MBOAT1: variants seen among roughly 807,000 people sequenced by gnomAD.
MBOAT1 encodes membrane bound glycerophospholipid O-acyltransferase 1.
MBOAT1 carries 67 observed loss-of-function variants against 64.4 expected under a neutral mutation model. The observed-to-expected ratio is 1.04, with a 90% CI of 0.85 to 1.27. MBOAT1 has a LOEUF of 1.27. Among genes scored for constraint, MBOAT1 ranks in the 50% most tolerant of loss-of-function variants. MBOAT1 has a pLI of 0.00. For missense variants in MBOAT1, 563 were observed against 604.6 expected (o/e 0.93, Z 0.72); for synonymous variants, 229 against 218.9 (o/e 1.05, Z -0.41).
intron 1 of MBOAT1, 33 bp from the exon 2 acceptor site, chr6:20,152,802 G>A (rs762090284): frequency 1.9e-6 from 3 of 1,580,786 alleles, no homozygotes; most frequent in Admixed American, 1.8e-5. Context: ...AAAAACCTTT[G>A]TGTGAATTTC....
intron 1 of MBOAT1, among the ~76,000 whole-genome samples, chr6:20,168,513 G>GAGAGGAGAGGAGAGA: frequency 7.1e-6 from 1 of 139,876 alleles, no homozygotes; most frequent in Admixed American, 7.2e-5. Context: ...GAGAGGAGAG[G>GAGAGGAGAGGAGAGA]AGAGGAGAGG....
intron 1 of MBOAT1, among the ~76,000 whole-genome samples, chr6:20,196,895 G>C (rs188605075): frequency 6.6e-6 from 1 of 151,436 alleles, no homozygotes; most frequent in Non-Finnish European, 1.5e-5. Context: ...AAAAAAAACT[G>C]AACTGTACAC....
chr6:20,168,184 T>C (rs1350197180), intron 1 of MBOAT1, among the ~76,000 whole-genome samples: 3 of 152,224 alleles, frequency 2.0e-5, no homozygotes, highest in Non-Finnish European at 4.4e-5. Context: ...CTCTTCATTA[T>C]TTATTTTAAA....
intron 4 of MBOAT1, among the ~76,000 whole-genome samples, chr6:20,141,713 G>A (rs1461690876): frequency 6.6e-6 from 1 of 151,948 alleles, no homozygotes; most frequent in Non-Finnish European, 1.5e-5. Context: ...TGAGTGTAGA[G>A]AGCACAGACT....
chr6:20,150,531 C>G (rs1342971278), intron 3 of MBOAT1, among the ~76,000 whole-genome samples: 1 of 150,830 alleles, frequency 6.6e-6, no homozygotes, highest in Non-Finnish European at 1.5e-5. Context: ...ATTGAGTATA[C>G]CGATCTTTCA....
At chr6:20,106,624 A>G (rs1167589023) in intron 12 of MBOAT1, among the ~76,000 whole-genome samples, 2 of 152,288 alleles carry the variant, frequency 1.3e-5, no homozygotes, top group Admixed American at 6.5e-5. Flanking sequence ...GGGTTTCACC[A>G]TGCTGGCCAG....
intron 1 of MBOAT1, among the ~76,000 whole-genome samples, chr6:20,175,587 C>T (rs532529818): frequency 6.6e-6 from 1 of 152,056 alleles, no homozygotes; most frequent in Admixed American, 6.5e-5. Flanking sequence ...GCTGGAACTA[C>T]AGGCACACGT....
intron 12 of MBOAT1, among the ~76,000 whole-genome samples, chr6:20,105,899 G>T (rs1345433590): frequency 6.6e-6 from 1 of 152,200 alleles, no homozygotes; most frequent in Non-Finnish European, 1.5e-5. Context: ...TTCATAGAAA[G>T]GTTCTTTCAT....
chr6:20,101,163 C>T lies in MBOAT1; in HGVS notation c.*1123G>A, dbSNP rs1245924775. Among the ~76,000 whole-genome samples, 1 of 152,122 alleles carries T rather than the reference C, an allele frequency of 6.6e-6. No individual in the cohort carries two copies. The highest frequency in any genetic ancestry group is 1.5e-5 in the Non-Finnish European group (1 of 68,026). On this transcript the variant is annotated 3_prime_UTR_variant, in exon 13 of 13. Coordinates refer to ENST00000324607, the MANE Select transcript of MBOAT1 (RefSeq NM_001080480.3). ...ACTTCAAATTACTTTAAAAAAATTTCCTAAAAGGCATTCTGCTGCCTTTCT... is the reference window on the plus strand; with the variant it reads ...ACTTCAAATTACTTTAAAAAAATTTTCTAAAAGGCATTCTGCTGCCTTTCT...
At position 20,128,785 on chromosome 6, in the gene MBOAT1, T is replaced by C. The variant is rs541035749; in HGVS notation, c.476-32A>G. On this transcript the variant is annotated intron_variant, in intron 5 of 12. Transcript: ENST00000324607. ...AAAAGAAAAGAATTTAGAAATAAGA[T>C]GTTTGAAGTGAATTAGATGACAAAT... 1.3e-5 allele frequency: 19 copies of C among 1,493,542 alleles called. No individual in the cohort carries two copies. The South Asian group carries it at 2.3e-4, about 18-fold the overall frequency. 92.5% of individuals were successfully genotyped at this position (1,493,542 alleles called of 1,614,324 possible).
At chr6:20,122,409 C>T (rs957908579) in intron 8 of MBOAT1, among the ~76,000 whole-genome samples, 15 of 152,148 alleles carry the variant, frequency 9.9e-5, no homozygotes, top group Non-Finnish European at 2.2e-4. Context: ...TATGTCTGTG[C>T]TCCCAACCAT....
intron 12 of MBOAT1, among the ~76,000 whole-genome samples, chr6:20,105,088 G>C (rs1257025715): frequency 5.3e-5 from 8 of 152,176 alleles, no homozygotes; most frequent in Non-Finnish European, 1.2e-4. Context: ...GATTTAACAG[G>C]TATAGACTGG....
At chr6:20,152,385 AT>A (rs752945297) in intron 2 of MBOAT1, among the ~76,000 whole-genome samples, 1 of 143,108 alleles carries the variant, frequency 7.0e-6, no homozygotes, top group African/African-American at 2.6e-5. Flanking sequence ...TAATTAATTA[AT>A]TAAAAAAAAG....
intron 1 of MBOAT1, among the ~76,000 whole-genome samples, chr6:20,187,325 G>A (rs1759819533): frequency 1.3e-5 from 2 of 152,176 alleles, no homozygotes; most frequent in Admixed American, 6.5e-5. Context: ...AGTGAGGGAG[G>A]GAAAAGGATT....
At chr6:20,163,490 G>A (rs867929020) in intron 1 of MBOAT1, among the ~76,000 whole-genome samples, 1 of 152,170 alleles carries the variant, frequency 6.6e-6, no homozygotes. Flanking sequence ...GATGTGCTTT[G>A]AGGCTTCCAT....
chr6:20,168,485 CAGAGACAGAG>C (rs1762072711), intron 1 of MBOAT1, among the ~76,000 whole-genome samples: 1 of 106,236 alleles, frequency 9.4e-6, no homozygotes, highest in African/African-American at 4.4e-5. Flanking sequence ...GAGACAGAGA[CAGAGACAGAG>C]AGAGAGAGAG....
rs779339821 is a variant in MBOAT1, at chr6:20,123,808, G to A, written c.907+600C>T. Among the ~76,000 whole-genome samples the A allele has an allele frequency of 4.6e-5, 7 of 152,274 alleles. No homozygotes were observed. The East Asian group carries it at 1.4e-3, about 29-fold the overall frequency. On this transcript the variant is annotated intron_variant, in intron 8 of 12. Transcript: ENST00000324607. ...GTGGTGGCTCACACCTGTAATCCCA[G>A]CACTTTGGGAGGCCAGGGCGGGCAG...
intron 1 of MBOAT1, among the ~76,000 whole-genome samples, chr6:20,156,100 C>G (rs910448755): frequency 6.6e-6 from 1 of 151,606 alleles, no homozygotes; most frequent in Non-Finnish European, 1.5e-5. Flanking sequence ...AACCCCGTCT[C>G]TACTAAAAAA....
chr6:20,109,593 CTT>C lies in MBOAT1; in HGVS notation c.1361+3_1361+4del. ...AGATGGCAACTGAGAACAACGGAAA[CTT>C]ACTTGTATAAGCTGATGGTCGGTTC... On this transcript the variant is annotated splice_donor_region_variant and intron_variant, in intron 12 of 12. Coordinates refer to ENST00000324607, the MANE Select transcript of MBOAT1 (RefSeq NM_001080480.3). 6.2e-7 allele frequency: 1 copy of C among 1,606,074 alleles called. No homozygotes were observed. The highest frequency in any genetic ancestry group is 8.5e-7 in the Non-Finnish European group (1 of 1,174,994).
Sources: allele counts gnomAD v4.1 joint callset (sites outside exome capture counted in the v4.1 genomes callset), GRCh38; gene constraint gnomAD v4.1.1; transcripts MANE v1.5; gene names NCBI Gene and HGNC (gene_info 2026-07-23, HGNC 2026-07-21).